Variants in ITPKB observed in about 807,000 individuals in gnomAD.
ITPKB encodes the protein IP3 3-kinase B.
In ITPKB, 13 loss-of-function variants were observed where a neutral mutation model predicts 69.4. The ratio of observed to expected loss-of-function variants is 0.19; its 90% CI spans 0.12 to 0.30. ITPKB has a LOEUF of 0.30. Among genes scored for constraint, ITPKB ranks in the 10% least tolerant of loss-of-function variants. The pLI is 1.00. For missense variants in ITPKB, 1,240 were observed against 1,250.5 expected (o/e 0.99, Z 0.13); for synonymous variants, 584 against 513.7 (o/e 1.14, Z -1.85).
chr1:226,723,462 G>A (rs1297354047), intron 2 of ITPKB, among the ~76,000 whole-genome samples: 3 of 152,076 alleles, frequency 2.0e-5, no homozygotes, highest in Non-Finnish European at 2.9e-5. Context: ...CACCAGATGC[G>A]GCACAGAGAA....
intron 2 of ITPKB, among the ~76,000 whole-genome samples, chr1:226,713,134 A>T (rs1657013361): frequency 6.6e-6 from 1 of 152,064 alleles, no homozygotes; most frequent in African/African-American, 2.4e-5. Flanking sequence ...ATACACACTC[A>T]TGCTCCGCTA....
intron 2 of ITPKB, among the ~76,000 whole-genome samples, chr1:226,715,790 G>A (rs956961046): frequency 1.3e-5 from 2 of 152,126 alleles, no homozygotes; most frequent in Non-Finnish European, 2.9e-5. Flanking sequence ...GATTCACACT[G>A]TAATACTCTA....
At chr1:226,700,493 A>C (rs1164619531) in intron 2 of ITPKB, among the ~76,000 whole-genome samples, 1 of 150,302 alleles carries the variant, frequency 6.7e-6, no homozygotes, top group Non-Finnish European at 1.5e-5. Context: ...AAAAAAAAAA[A>C]AAACCCAGAA....
intron 2 of ITPKB, chr1:226,676,265 C>T (rs1310024438): frequency 6.6e-6 from 1 of 152,208 alleles, no homozygotes; most frequent in Non-Finnish European, 1.5e-5. Context: ...AGTCAGCCAT[C>T]TTAGTGTCAA....
intron 2 of ITPKB, among the ~76,000 whole-genome samples, chr1:226,698,292 C>A (rs74141815): frequency 6.6e-6 from 1 of 152,194 alleles, no homozygotes; most frequent in Non-Finnish European, 1.5e-5. Context: ...AAAGCAGCTA[C>A]GACAGCTCAT....
At chr1:226,735,434 CTG>C in intron 2 of ITPKB, 91 bp downstream of exon 2, 1 of 1,347,268 alleles carries the variant, frequency 7.4e-7, no homozygotes, top group Non-Finnish European at 9.7e-7. Flanking sequence ...GTTTTCATGA[CTG>C]TGTAGAAAGT....
chr1:226,666,360 GC>G (rs1669503106), intron 2 of ITPKB, among the ~76,000 whole-genome samples: 1 of 152,198 alleles, frequency 6.6e-6, no homozygotes, highest in Non-Finnish European at 1.5e-5. Context: ...GCTCTCAGGA[GC>G]AAGAGGTCAT....
At chr1:226,663,231 T>C (rs958750112) in intron 2 of ITPKB, among the ~76,000 whole-genome samples, 1 of 152,168 alleles carries the variant, frequency 6.6e-6, no homozygotes, top group African/African-American at 2.4e-5. Flanking sequence ...AGTGGGTGCT[T>C]ACTTAGCACT....
chr1:226,656,311 G>A (rs1669286179), intron 2 of ITPKB, among the ~76,000 whole-genome samples: 1 of 152,180 alleles, frequency 6.6e-6, no homozygotes, highest in African/African-American at 2.4e-5. Flanking sequence ...CATCCAGGAG[G>A]AGGGAGATCA....
chr1:226,667,701 G>A (rs1175921355), intron 2 of ITPKB, among the ~76,000 whole-genome samples: 2 of 152,112 alleles, frequency 1.3e-5, no homozygotes, highest in Non-Finnish European at 2.9e-5. Context: ...TGCAGATCTG[G>A]GATAGGGCTA....
intron 2 of ITPKB, among the ~76,000 whole-genome samples, chr1:226,672,740 A>C (rs1429832091): frequency 6.6e-6 from 1 of 152,226 alleles, no homozygotes; most frequent in Admixed American, 6.5e-5. Flanking sequence ...GTCCATGGGC[A>C]TGTGTGGGAA....
intron 2 of ITPKB, among the ~76,000 whole-genome samples, chr1:226,688,905 TC>T (rs752803985): frequency 2.0e-5 from 3 of 151,876 alleles, no homozygotes; most frequent in Admixed American, 1.3e-4. Context: ...CACTCCATTT[TC>T]CCCCCCAACA....
rs747602832 is a variant in ITPKB, at chr1:226,736,721, T to C, written c.738A>G (p.Ser246=). Residue 246 remains serine (S), a synonymous_variant, in exon 2 of 8, where the codon TCA becomes TCG. Transcript: ENST00000429204. ...CAAAAGCGGATGGACCCTGAGCCTC[T>C]GATCCTGTAGGGGCAGCCCGGCCGG... The part of the protein sequence containing the change: ...PLPGRAAPTG[S]EAQGPSAFVR... The C allele has an allele frequency of 1.2e-5, 19 of 1,612,666 alleles. 1 individual carries two copies. In the South Asian group the frequency reaches 1.9e-4, roughly 16 times the overall value.
At chr1:226,684,996 G>A (rs1463954673) in intron 2 of ITPKB, among the ~76,000 whole-genome samples, 1 of 152,226 alleles carries the variant, frequency 6.6e-6, no homozygotes, top group Non-Finnish European at 1.5e-5. Context: ...CATGGGGAGA[G>A]TGGAATGGGG....
intron 2 of ITPKB, among the ~76,000 whole-genome samples, chr1:226,686,623 C>A (rs563906540): frequency 6.6e-6 from 1 of 152,210 alleles, no homozygotes; most frequent in Admixed American, 6.5e-5. Context: ...CATAACACAA[C>A]GTAAAACTCA....
chr1:226,730,463 T>C (rs1042676159), intron 2 of ITPKB, among the ~76,000 whole-genome samples: 4 of 152,018 alleles, frequency 2.6e-5, no homozygotes, highest in African/African-American at 9.7e-5. Flanking sequence ...TTCTACCCAG[T>C]GAGGAAAAGA....
At chr1:226,685,262 C>T (rs1028487600) in intron 2 of ITPKB, among the ~76,000 whole-genome samples, 1 of 152,220 alleles carries the variant, frequency 6.6e-6, no homozygotes, top group African/African-American at 2.4e-5. Flanking sequence ...GAATGTGGCA[C>T]TTCAAAATTC....
chr1:226,648,855 A>G (rs778750798), intron 2 of ITPKB, 84 bp from the exon 3 acceptor site: 18 of 961,028 alleles, frequency 1.9e-5, no homozygotes, highest in Non-Finnish European at 3.0e-5. Flanking sequence ...AAAGGCCCTC[A>G]TTGCCTGTGG....
chr1:226,707,181 CTTT>C, intron 2 of ITPKB: 1 of 610,154 alleles, frequency 1.6e-6, no homozygotes. Context: ...AAAGTACAAT[CTTT>C]TTTTATTTTT....
Sources: allele counts gnomAD v4.1 joint callset (sites outside exome capture counted in the v4.1 genomes callset), GRCh38; gene constraint gnomAD v4.1.1; transcripts MANE v1.5; gene names NCBI Gene and HGNC (gene_info 2026-07-23, HGNC 2026-07-21).